Variants in ANXA8 observed in about 807,000 individuals in gnomAD.
ANXA8 encodes the protein annexin A8.
Under a neutral mutation model 26.8 loss-of-function variants are expected in ANXA8, and 9 were observed. The ratio of observed to expected loss-of-function variants is 0.34; its 90% CI spans 0.20 to 0.59. The LOEUF is 0.59. ANXA8 is among the 20% of genes least tolerant of loss of function. The pLI, the probability that ANXA8 is intolerant of heterozygous loss-of-function variation, is 0.84. For synonymous variants in ANXA8, 39 were observed against 94.8 expected (o/e 0.41, Z 3.42); for missense variants, 83 against 238.5 (o/e 0.35, Z 4.29).
At chr10:47,651,272 A>T in the ANXA8 span, among the ~76,000 whole-genome samples, 8 of 144,152 alleles carry the variant, frequency 5.5e-5, no homozygotes, top group South Asian at 2.1e-4. Context: ...ATAATAACTT[A>T]AAAAAAATCT....
the ANXA8 span, among the ~76,000 whole-genome samples, chr10:47,650,616 C>T: frequency 1.4e-5 from 2 of 145,344 alleles, no homozygotes; most frequent in Admixed American, 6.8e-5. Flanking sequence ...ACCATCCTGG[C>T]TAACATGGTG....
chr10:47,920,350 C>T, the ANXA8 span, among the ~76,000 whole-genome samples: 2 of 66,502 alleles, frequency 3.0e-5, no homozygotes, highest in African/African-American at 6.9e-5. Flanking sequence ...GATTCTCCTG[C>T]TTCACCCTCC....
the ANXA8 span, among the ~76,000 whole-genome samples, chr10:47,495,682 AGGAG>A: frequency 6.9e-6 from 1 of 144,948 alleles, no homozygotes; most frequent in Non-Finnish European, 1.5e-5. Flanking sequence ...GAGGAGGAGG[AGGAG>A]GAGGAAAAAG....
chr10:47,656,050 G>C, the ANXA8 span, among the ~76,000 whole-genome samples: 2 of 151,692 alleles, frequency 1.3e-5, no homozygotes, highest in Non-Finnish European at 2.9e-5. Context: ...CTCAAAGGCA[G>C]GTGGTAGCAG....
At chr10:47,520,484 A>C in the ANXA8 span, 4 of 1,497,910 alleles carry the variant, frequency 2.7e-6, no homozygotes, top group Middle Eastern at 2.5e-4. Context: ...GGCGGAAAAA[A>C]CAATGTTGTC....
the ANXA8 span, among the ~76,000 whole-genome samples, chr10:47,495,062 C>CTT: frequency 4.0e-5 from 6 of 148,728 alleles, no homozygotes; most frequent in African/African-American, 1.5e-4. Context: ...AACCACCTCT[C>CTT]CTCTCTCTCT....
the ANXA8 span, among the ~76,000 whole-genome samples, chr10:47,620,103 T>G: frequency 1.8e-5 from 2 of 111,424 alleles, no homozygotes; most frequent in Admixed American, 1.9e-4. Context: ...GGCAGAATCC[T>G]AATGGTCATG....
chr10:47,673,972 C>G, the ANXA8 span, among the ~76,000 whole-genome samples: 3 of 151,030 alleles, frequency 2.0e-5, 1 homozygote, highest in African/African-American at 7.4e-5. Context: ...TTTTCTTAGA[C>G]TTGAGCTTCT....
chr10:47,667,673 C>T, the ANXA8 span, among the ~76,000 whole-genome samples: 3 of 151,772 alleles, frequency 2.0e-5, no homozygotes, highest in African/African-American at 7.3e-5. Flanking sequence ...GTGCCTCAGC[C>T]TACCCAGTAG....
chr10:47,716,423 G>A, the ANXA8 span, among the ~76,000 whole-genome samples: 2 of 114,814 alleles, frequency 1.7e-5, no homozygotes, highest in Non-Finnish European at 3.4e-5. Flanking sequence ...CTTTATCTTG[G>A]CCAAATGCCA....
At chr10:47,676,395 G>A in the ANXA8 span, among the ~76,000 whole-genome samples, 4 of 151,812 alleles carry the variant, frequency 2.6e-5, no homozygotes, top group African/African-American at 9.7e-5. Flanking sequence ...CCCATATATA[G>A]GCATATCATA....
the ANXA8 span, among the ~76,000 whole-genome samples, chr10:47,730,626 T>G: frequency 6.6e-6 from 1 of 152,280 alleles, no homozygotes; most frequent in Non-Finnish European, 1.5e-5. Flanking sequence ...AGATTGTTTT[T>G]GTCTTTTGGT....
the ANXA8 span, among the ~76,000 whole-genome samples, chr10:47,595,952 A>G: frequency 1.7e-4 from 25 of 149,118 alleles, no homozygotes; most frequent in Admixed American, 8.6e-4. Flanking sequence ...AACAACCACA[A>G]TATATATATT....
rs2093741430 is a variant in ANXA8, at chr10:47,484,000, C to G, written c.-67G>C. On this transcript the variant is annotated 5_prime_UTR_variant, in exon 1 of 12. Transcript: ENST00000585281. The stretch of plus-strand genomic sequence containing the variant: ...ACACAGGTTGGCCTCTGCTGGGACT[C>G]CACACGTCTGGCTCCTGCAGCTGAG... 16 of 1,611,680 alleles carry G rather than the reference C, an allele frequency of 9.9e-6. No homozygotes were observed. Among genetic ancestry groups the G allele is most frequent in the Non-Finnish European group, 1.3e-5 (15 of 1,179,846 alleles).
chr10:47,699,568 T>C, the ANXA8 span, among the ~76,000 whole-genome samples: 1 of 151,386 alleles, frequency 6.6e-6, no homozygotes, highest in African/African-American at 2.4e-5. Context: ...GGTTTGCGTC[T>C]GTAATTCTAG....
the ANXA8 span, among the ~76,000 whole-genome samples, chr10:47,686,225 C>CTTTTT: frequency 8.1e-6 from 1 of 122,934 alleles, no homozygotes. Context: ...GCTCCTATCA[C>CTTTTT]TTTTTTTTTT....
the ANXA8 span, among the ~76,000 whole-genome samples, chr10:47,943,967 G>C: frequency 6.8e-6 from 1 of 147,924 alleles, no homozygotes. Context: ...TGAACCTGCA[G>C]CCCCTGGGGC....
the ANXA8 span, among the ~76,000 whole-genome samples, chr10:47,970,932 T>C: frequency 1.9e-4 from 29 of 151,398 alleles, no homozygotes; most frequent in African/African-American, 6.8e-4. Context: ...AACACACTAA[T>C]GGTGGAGTGA....
At chr10:47,777,287 C>CACCA in the ANXA8 span, among the ~76,000 whole-genome samples, 1 of 151,572 alleles carries the variant, frequency 6.6e-6, no homozygotes, top group Non-Finnish European at 1.5e-5. Context: ...TGTGGAGGGA[C>CACCA]AGCCTGCACC....
Sources: gnomAD v4.1 joint callset for allele counts (sites outside exome capture counted in the v4.1 genomes callset) on GRCh38, gnomAD v4.1.1 for gene constraint, MANE v1.5 for transcripts, NCBI Gene and HGNC (gene_info 2026-07-23, HGNC 2026-07-21) for gene names.